APCDD1: variants seen among roughly 807,000 people sequenced by gnomAD.
APCDD1 encodes APC down-regulated 1, also known as protein APCDD1.
APCDD1 carries 15 observed loss-of-function variants against 38.1 expected under a neutral mutation model. The observed-to-expected ratio is 0.39, with a 90% CI of 0.26 to 0.61. The LOEUF (loss-of-function observed/expected upper bound fraction) is 0.61, where lower values mean the gene tolerates loss of function less well. APCDD1 is among the 20% of genes least tolerant of loss of function. The pLI, the probability that APCDD1 is intolerant of heterozygous loss-of-function variation, is 0.49. For synonymous variants in APCDD1, 261 were observed against 279.7 expected, an observed-to-expected ratio of 0.93 and a Z score of 0.67; for missense variants, 647 against 696.2, an observed-to-expected ratio of 0.93 and a Z score of 0.79.
At chr18:10,486,376 C>G (rs1260215545) in intron 4 of APCDD1, among the ~76,000 whole-genome samples, 1 of 152,140 alleles carries the variant, frequency 6.6e-6, no homozygotes, top group Admixed American at 6.5e-5. Flanking sequence ...AAAGAAATCT[C>G]AAGTCTGCAC....
At chr18:10,480,473 T>C (rs2031108116) in intron 3 of APCDD1, among the ~76,000 whole-genome samples, 1 of 152,220 alleles carries the variant, frequency 6.6e-6, no homozygotes, top group Non-Finnish European at 1.5e-5. Flanking sequence ...ATTTTTAAAA[T>C]TTGTTACAAT....
chr18:10,488,332 C>T lies in APCDD1; in HGVS notation c.*294C>T, dbSNP rs1300216019. ...GCGTGTTTGGTAGCAGGGATGAAAG[C>T]TAGGGCCTCTTATTTTTTTCTCTTA... On this transcript the variant is annotated 3_prime_UTR_variant, in exon 5 of 5. Transcript: ENST00000355285. 3 of 331,970 alleles carry T rather than the reference C, an allele frequency of 9.0e-6. No individual in the cohort carries two copies. The highest frequency in any genetic ancestry group is 7.0e-5 in the African/African-American group (3 of 43,058). 20.6% of individuals were successfully genotyped at this position (331,970 alleles called of 1,614,324 possible).
chr18:10,469,775 T>G lies in APCDD1; in HGVS notation c.242+1123T>G, dbSNP rs2143531252. Among the ~76,000 whole-genome samples the G allele has an allele frequency of 6.6e-6, 1 of 152,196 alleles. No homozygotes were observed. The highest frequency in any genetic ancestry group is 2.4e-5 in the African/African-American group (1 of 41,542). ...CTGTGCAAAGACTGTGGGAAGAGCT[T>G]TGTATTTAAAGAACCAGATGCCAGG... On this transcript the variant is annotated intron_variant, in intron 2 of 4. Coordinates refer to ENST00000355285, the MANE Select transcript of APCDD1 (RefSeq NM_153000.5). The surrounding 1 kb of genome is among the most constrained non-coding windows in gnomAD (Gnocchi z 5.5).
At chr18:10,458,835 T>C (rs752311153) in intron 1 of APCDD1, among the ~76,000 whole-genome samples, 9 of 152,214 alleles carry the variant, frequency 5.9e-5, no homozygotes, top group Non-Finnish European at 8.8e-5. Context: ...TTCAGTAGAC[T>C]CTTCCCCTGG....
At position 10,475,957 on chromosome 18, in the gene APCDD1, T is replaced by G. The variant is rs2030989029; in HGVS notation, c.774+3896T>G. 6.6e-6 allele frequency: 1 copy of G among 152,286 alleles called. No homozygotes were observed. The allele number at this position is 152,286 out of a possible 1,614,324, so 9.4% of individuals were successfully genotyped here. ...AGCTCTGAGAAGGAACAAAATGGAC[T>G]CAGCCATTGGTGTCTTTCCAGACCC... is the stretch of plus-strand genomic sequence containing the variant. On this transcript the variant is annotated intron_variant, in intron 3 of 4. Coordinates refer to ENST00000355285, the MANE Select transcript of APCDD1 (RefSeq NM_153000.5). This position sits in a 1 kb window ranked among gnomAD's most constrained non-coding sequence, Gnocchi z 4.0.
chr18:10,478,982 C>T (rs1466526478), intron 3 of APCDD1, among the ~76,000 whole-genome samples: 2 of 152,198 alleles, frequency 1.3e-5, no homozygotes, highest in African/African-American at 2.4e-5. Flanking sequence ...CCAATGCCAG[C>T]TTTCTCTCCG....
chr18:10,486,464 T>C (rs2031252107), intron 4 of APCDD1, among the ~76,000 whole-genome samples: 1 of 152,240 alleles, frequency 6.6e-6, no homozygotes, highest in Non-Finnish European at 1.5e-5. Flanking sequence ...CATGCCACAG[T>C]GCTTTCCTGA....
At chr18:10,464,325 C>CACACACACAG (rs1555644309) in intron 1 of APCDD1, among the ~76,000 whole-genome samples, 1 of 150,266 alleles carries the variant, frequency 6.7e-6, no homozygotes, top group Non-Finnish European at 1.5e-5. Context: ...CACACACACA[C>CACACACACAG]ACACACACAC....
At position 10,485,798 on chromosome 18, in the gene APCDD1, T is replaced by G; in HGVS notation, c.1096+15T>G. 6.2e-7 allele frequency: 1 copy of G among 1,610,236 alleles called. No homozygotes were observed. The highest frequency in any genetic ancestry group is 1.1e-5 in the South Asian group (1 of 90,982). On this transcript the variant is annotated intron_variant, in intron 4 of 4. Coordinates refer to ENST00000355285, the MANE Select transcript of APCDD1 (RefSeq NM_153000.5). This position sits in a 1 kb window ranked among gnomAD's most constrained non-coding sequence, Gnocchi z 5.8. ...CGTGTTCAAAGGTAGGATTCCCATC[T>G]CAAGTCCCAGTATCACAGCCAATAA...
chr18:10,463,938 C>A (rs1262062619), intron 1 of APCDD1, among the ~76,000 whole-genome samples: 8 of 152,360 alleles, frequency 5.3e-5, no homozygotes, highest in Admixed American at 3.9e-4. Context: ...TGGCCGCTCA[C>A]ATGGGTGCCC....
chr18:10,462,068 C>G (rs182690451), intron 1 of APCDD1, among the ~76,000 whole-genome samples: 108 of 152,284 alleles, frequency 7.1e-4, no homozygotes, highest in Non-Finnish European at 1.3e-4. Flanking sequence ...ATCATAAGGT[C>G]AAACTGCACT....
chr18:10,485,467 C>T lies in APCDD1; in HGVS notation c.780C>T (p.His260=), dbSNP rs369783198. 8.7e-6 allele frequency: 14 copies of T among 1,613,858 alleles called. No homozygotes were observed. The African/African-American group carries it at 1.1e-4, about 12-fold the overall frequency. ...TGTTTGTTTCTTGGCTTCAGAACCA[C>T]GACCATGCCTGCATCGCCTGTCGGA... ...YQPPLQNAKN[H]DHACIACRII... The change falls in exon 4 of 5, where the codon CAC becomes CAT. Residue 260 remains histidine, a synonymous_variant. Transcript: ENST00000355285. The surrounding 1 kb of genome is among the most constrained non-coding windows in gnomAD (Gnocchi z 5.8).
intron 3 of APCDD1, chr18:10,478,015 T>G (rs1337998625): frequency 6.6e-6 from 1 of 152,190 alleles, no homozygotes; most frequent in Non-Finnish European, 1.5e-5. Flanking sequence ...AGCTCACTTC[T>G]CAGATTCTAA....
At position 10,485,369 on chromosome 18, in the gene APCDD1, G is replaced by A. The variant is rs1272665626; in HGVS notation, c.775-93G>A. The A allele has an allele frequency of 4.3e-6, 6 of 1,389,912 alleles. No individual in the cohort carries two copies. In the African/African-American group the frequency reaches 8.5e-5, roughly 20 times the overall value. 86.1% of individuals were successfully genotyped at this position (1,389,912 alleles called of 1,614,324 possible). The stretch of plus-strand genomic sequence containing the variant: ...TCGAGGTTGTCAGTGATGGTGATCT[G>A]GTGCCTGGTGAGACCCCATTTGCCG... On this transcript the variant is annotated intron_variant, in intron 3 of 4. Coordinates refer to ENST00000355285, the MANE Select transcript of APCDD1 (RefSeq NM_153000.5). The surrounding 1 kb of genome is among the most constrained non-coding windows in gnomAD (Gnocchi z 5.8).
rs375985398 is a variant in APCDD1, at chr18:10,460,464, C to T, written c.58+5425C>T. On this transcript the variant is annotated intron_variant, in intron 1 of 4. Coordinates refer to ENST00000355285, the MANE Select transcript of APCDD1 (RefSeq NM_153000.5). ...AGGAATATCGCTTGAACCCAGGAGG[C>T]GGAGGTTGCAGTGAGCCGAGATCGT... Among the ~76,000 whole-genome samples, 597 of 149,254 alleles carry T rather than the reference C, an allele frequency of 4.0e-3. 3 individuals carry two copies. Among genetic ancestry groups the T allele is most frequent in the African/African-American group, 0.013 (527 of 40,436 alleles).
rs1256815413 is a variant in APCDD1 at position 10,454,656 on chromosome 18, T to C, written c.-326T>C. ...ATATGAAGAGACGCTGCAGCTGCGG[T>C]GGCGGTGGCGGCCACTGCAGCTCAG... On this transcript the variant is annotated 5_prime_UTR_variant, in exon 1 of 5. Coordinates refer to ENST00000355285, the MANE Select transcript of APCDD1 (RefSeq NM_153000.5). The C allele has an allele frequency of 3.9e-6, 4 of 1,034,106 alleles. No individual in the cohort carries two copies. Among genetic ancestry groups the C allele is most frequent in the Non-Finnish European group, 4.6e-6 (4 of 863,864 alleles). 64.1% of individuals were successfully genotyped at this position (1,034,106 alleles called of 1,614,324 possible).
rs775755233 is a variant in APCDD1, at chr18:10,485,393, C to G, written c.775-69C>G. On this transcript the variant is annotated intron_variant, in intron 3 of 4. Transcript: ENST00000355285. This position sits in a 1 kb window ranked among gnomAD's most constrained non-coding sequence, Gnocchi z 5.8. ...TGGTGCCTGGTGAGACCCCATTTGC[C>G]GGAAGCATGTGTGCACTGCTCCCTT... 2 of 1,567,678 alleles carry G rather than the reference C, an allele frequency of 1.3e-6. No homozygotes were observed. Among genetic ancestry groups the G allele is most frequent in the African/African-American group, 1.3e-5 (1 of 74,188 alleles).
chr18:10,475,034 TTTC>T lies in APCDD1; in HGVS notation c.774+2975_774+2977del, dbSNP rs1389047322. On this transcript the variant is annotated intron_variant, in intron 3 of 4. Coordinates refer to ENST00000355285, the MANE Select transcript of APCDD1 (RefSeq NM_153000.5). This position sits in a 1 kb window ranked among gnomAD's most constrained non-coding sequence, Gnocchi z 4.0. ...GACCTACTGGAGACTTCATTTTCCTTTTCTGTAAAATGGCAAAAATATAAGAAT... is the reference window on the plus strand; with the variant it reads ...GACCTACTGGAGACTTCATTTTCCTTTGTAAAATGGCAAAAATATAAGAAT... Among the ~76,000 whole-genome samples the T allele has an allele frequency of 6.6e-6, 1 of 152,202 alleles. No individual in the cohort carries two copies. The highest frequency in any genetic ancestry group is 1.5e-5 in the Non-Finnish European group (1 of 68,040).
At chr18:10,483,584 G>A (rs572283225) in intron 3 of APCDD1, among the ~76,000 whole-genome samples, 29 of 152,332 alleles carry the variant, frequency 1.9e-4, no homozygotes, top group African/African-American at 6.7e-4. Context: ...CGACCACAAC[G>A]AAATCACATG....
Sources: gnomAD v4.1 joint callset for allele counts (sites outside exome capture counted in the v4.1 genomes callset) on GRCh38, gnomAD v4.1.1 for gene constraint, Gnocchi (gnomAD v3.1) non-coding constraint, MANE v1.5 for transcripts, NCBI Gene and HGNC (gene_info 2026-07-23, HGNC 2026-07-21) for gene names.